The following SAG variants were observed in gnomAD, a reference collection of about 807,000 sequenced individuals.
The protein encoded by SAG is S-arrestin.
In SAG, 45 loss-of-function variants were observed where a neutral mutation model predicts 55.0. The ratio of observed to expected loss-of-function variants is 0.82; its 90% confidence interval spans 0.64 to 1.05. The LOEUF (loss-of-function observed/expected upper bound fraction) is 1.05, where lower values mean the gene tolerates loss of function less well. Among genes scored for constraint, SAG ranks in the 50% least tolerant of loss-of-function variants. The pLI is 0.00. For synonymous variants in SAG, 189 were observed against 197.4 expected (o/e 0.96, Z 0.36); for missense variants, 455 against 512.1 (o/e 0.89, Z 1.08).
intron 14 of SAG, 70 bp from the exon 15 acceptor site, chr2:233,346,333 A>G (rs1409877794): frequency 4.0e-6 from 6 of 1,513,108 alleles, no homozygotes; most frequent in Admixed American, 1.7e-5. Context: ...TACAGCTATG[A>G]TATAGAATTT....
chr2:233,346,279 T>C, intron 14 of SAG, 124 bp from the exon 15 acceptor site: 2 of 1,008,096 alleles, frequency 2.0e-6, no homozygotes, highest in Non-Finnish European at 3.2e-6. Flanking sequence ...CTAGGCCTTA[T>C]CTCTCAAATT....
chr2:233,327,607 AC>A (rs1489450010), intron 7 of SAG: 1 of 156,194 alleles, frequency 6.4e-6, no homozygotes, highest in Non-Finnish European at 1.4e-5. Context: ...GTGCAATGTG[AC>A]CTCGGCTCAC....
chr2:233,328,362 T>TGTCTCCATGGGGAGCATTCCTGGAGA, intron 7 of SAG, 116 bp from the exon 8 acceptor site: 1 of 1,303,018 alleles, frequency 7.7e-7, no homozygotes, highest in Non-Finnish European at 1.1e-6. Flanking sequence ...CCGTCCACCC[T>TGTCTCCATGGGGAGCATTCCTGGAGA]GTCTCCATGG....
In SAG at chr2:233,340,453, A is replaced by G. The variant is rs1701063284; in HGVS notation, c.1023-2A>G. 1 of 1,610,902 alleles carries G rather than the reference A, an allele frequency of 6.2e-7. No individual in the cohort carries two copies. Among genetic ancestry groups the G allele is most frequent in the African/African-American group, 1.3e-5 (1 of 74,876 alleles). On this transcript the variant is annotated splice_acceptor_variant, in intron 12 of 15. Transcript: ENST00000409110. LOFTEE classifies it high-confidence loss of function. The surrounding 1 kb of genome is among the most constrained non-coding windows in gnomAD (Gnocchi z 4.2). ...CGACAGGCGTTTGTTTGTGTTTTCT[A>G]GCTTTCTGGGAGAGCTCACCTCCAG...
chr2:233,317,005 G>C (rs1034350453), intron 3 of SAG, among the ~76,000 whole-genome samples: 1 of 152,180 alleles, frequency 6.6e-6, no homozygotes, highest in Middle Eastern at 3.2e-3. Flanking sequence ...GAGACTACAG[G>C]CATGTGCCAC....
At chr2:233,323,247 C>T (rs1055070897) in intron 6 of SAG, among the ~76,000 whole-genome samples, 3 of 152,178 alleles carry the variant, frequency 2.0e-5, no homozygotes, top group East Asian at 3.9e-4. Context: ...TGTGTGGAGG[C>T]GGGGTTTCAC....
At chr2:233,337,940 A>G (rs917069127) in intron 11 of SAG, among the ~76,000 whole-genome samples, 1 of 152,226 alleles carries the variant, frequency 6.6e-6, no homozygotes, top group African/African-American at 2.4e-5. Flanking sequence ...TTCAGTACGT[A>G]TTAGTGGGAT....
At chr2:233,344,030 G>A (rs1210954777) in intron 14 of SAG, 11 of 153,098 alleles carry the variant, frequency 7.2e-5, no homozygotes, top group African/African-American at 2.4e-4. Context: ...ATTTATGCTT[G>A]TGTCATTAAA....
At chr2:233,309,608 G>A (rs1161129614) in intron 2 of SAG, among the ~76,000 whole-genome samples, 1 of 152,148 alleles carries the variant, frequency 6.6e-6, no homozygotes, top group South Asian at 2.1e-4. Context: ...TGGTGCCACT[G>A]CACTCTAGCC....
intron 2 of SAG, 102 bp downstream of exon 2, chr2:233,309,366 A>G (rs2125317983): frequency 9.3e-7 from 1 of 1,074,978 alleles, no homozygotes; most frequent in East Asian, 2.7e-5. Context: ...AAACTCTTTG[A>G]GGGCCAGGGC....
intron 2 of SAG, among the ~76,000 whole-genome samples, chr2:233,314,539 C>G (rs923697072): frequency 5.9e-5 from 9 of 152,166 alleles, no homozygotes; most frequent in African/African-American, 1.9e-4. Flanking sequence ...GCCAAGACAC[C>G]CACAGTGTTT....
At chr2:233,330,371 G>T (rs1452405736) in intron 9 of SAG, among the ~76,000 whole-genome samples, 2 of 152,220 alleles carry the variant, frequency 1.3e-5, no homozygotes, top group African/African-American at 4.8e-5. Flanking sequence ...AGGGTGAGCA[G>T]TGGCCCTAGG....
chr2:233,311,357 G>C (rs1289935188), intron 2 of SAG, among the ~76,000 whole-genome samples: 3 of 152,070 alleles, frequency 2.0e-5, no homozygotes, highest in South Asian at 2.1e-4. Flanking sequence ...GGTTTCCTGG[G>C]GTCTCTTGTA....
intron 3 of SAG, among the ~76,000 whole-genome samples, chr2:233,317,177 A>G (rs1010805609): frequency 6.6e-6 from 1 of 152,244 alleles, no homozygotes; most frequent in East Asian, 1.9e-4. Flanking sequence ...TTCTTAAAAC[A>G]TGAAACACAT....
intron 5 of SAG, among the ~76,000 whole-genome samples, chr2:233,322,169 G>C (rs1700404025): frequency 7.9e-6 from 1 of 127,332 alleles, no homozygotes; most frequent in South Asian, 2.5e-4. Flanking sequence ...CTGGGTGACA[G>C]AGCGAGACTC....
intron 9 of SAG, among the ~76,000 whole-genome samples, chr2:233,330,967 T>C (rs559718576): frequency 4.1e-4 from 62 of 152,264 alleles, no homozygotes; most frequent in Admixed American, 3.1e-3. Flanking sequence ...ATCCCAGTAC[T>C]TTGGGAGGCC....
In SAG at chr2:233,313,383, G is replaced by A. The variant is rs550062257; in HGVS notation, c.76-2692G>A. Reference sequence around the variant, plus strand: ...CTGTTAGAGAGGATGCTCTCAGGGTGGCCACGCACAAGGCGCTGGGGTTTA... The same window carrying A: ...CTGTTAGAGAGGATGCTCTCAGGGTAGCCACGCACAAGGCGCTGGGGTTTA... On this transcript the variant is annotated intron_variant, in intron 2 of 15. Coordinates refer to ENST00000409110, the MANE Select transcript of SAG (RefSeq NM_000541.5). 3.3e-3 allele frequency among the ~76,000 whole-genome samples: 504 copies of A among 152,328 alleles called. 14 individuals carry two copies. Among genetic ancestry groups the A allele is most frequent in the East Asian group, 5.8e-4 (3 of 5,190 alleles).
chr2:233,326,315 G>T (rs747970815), intron 6 of SAG, among the ~76,000 whole-genome samples: 3 of 152,110 alleles, frequency 2.0e-5, no homozygotes, highest in Non-Finnish European at 4.4e-5. Context: ...GGCTGGGCGC[G>T]ATGGCTCACA....
chr2:233,328,602 C>T lies in SAG; in HGVS notation c.637C>T (p.Leu213Phe). 6.2e-7 allele frequency: 1 copy of T among 1,611,680 alleles called. No homozygotes were observed. ...SDKPLHLAVSLNKEIYFHGEP... is the reference protein window; with the variant it reads ...SDKPLHLAVSFNKEIYFHGEP... ...CAAGCCCCTGCACCTTGCGGTCTCT[C>T]TCAACAAAGAGGTAACCACCTACCA... The change falls in exon 8 of 16, where the codon CTC becomes TTC. Residue 213 changes from leucine (L) to phenylalanine (F), a missense_variant. By Grantham distance (22) the Leu-to-Phe change is conservative. Transcript: ENST00000409110.
Sources: allele counts gnomAD v4.1 joint callset (sites outside exome capture counted in the v4.1 genomes callset), GRCh38; gene constraint gnomAD v4.1.1; non-coding constraint Gnocchi (gnomAD v3.1); transcripts MANE v1.5; gene names NCBI Gene and HGNC (gene_info 2026-07-23, HGNC 2026-07-21).